The following FGF12 variants were observed in gnomAD, a reference collection of about 807,000 sequenced individuals.
FGF12 encodes fibroblast growth factor 12.
In FGF12, 14 loss-of-function variants were observed where a neutral mutation model predicts 23.6. The observed-to-expected ratio is 0.59, with a 90% CI of 0.39 to 0.93. The LOEUF is 0.93. Ranked by LOEUF, FGF12 falls within the 40% of genes least tolerant of loss-of-function variation. The probability of loss-of-function intolerance (pLI) is 0.00; values close to 1 mark genes in which losing one functional copy is unlikely to be tolerated. For synonymous variants in FGF12, 62 were observed against 77.3 expected, an observed-to-expected ratio of 0.80 and a Z score of 1.04; for missense variants, 175 against 217.8, an observed-to-expected ratio of 0.80 and a Z score of 1.24.
intron 2 of FGF12, among the ~76,000 whole-genome samples, chr3:192,664,594 C>CAAAAAAACAAAAAAA (rs1716788068): frequency 1.0e-5 from 1 of 97,078 alleles, no homozygotes; most frequent in Non-Finnish European, 2.0e-5. Flanking sequence ...ACTAAAAATA[C>CAAAAAAACAAAAAAA]AAAAAAAATA....
chr3:192,161,978 T>C (rs1190716568), intron 5 of FGF12, among the ~76,000 whole-genome samples: 1 of 152,136 alleles, frequency 6.6e-6, no homozygotes, highest in East Asian at 1.9e-4. Flanking sequence ...TAACTTCTGT[T>C]TTTAATAAAA....
rs1482181682 is a variant in FGF12, at chr3:192,360,932, C to T, written c.14-394G>A. ...TTTCTAAGTTTCTAGTAGCCATAAC[C>T]AGGTCCATAAGACTTCTATCTCTGC... On this transcript the variant is annotated intron_variant, in intron 2 of 5. Coordinates refer to ENST00000445105, the MANE Select transcript of FGF12 (RefSeq NM_004113.6). The surrounding 1 kb of genome is among the most constrained non-coding windows in gnomAD (Gnocchi z 4.3). Among the ~76,000 whole-genome samples the T allele has an allele frequency of 6.6e-6, 1 of 151,962 alleles. No homozygotes were observed. Among genetic ancestry groups the T allele is most frequent in the Non-Finnish European group, 1.5e-5 (1 of 67,988 alleles).
intron 4 of FGF12, among the ~76,000 whole-genome samples, chr3:192,284,167 A>G (rs998282179): frequency 5.9e-5 from 9 of 151,994 alleles, no homozygotes; most frequent in African/African-American, 2.2e-4. Context: ...CCTATTTTCT[A>G]CTAGTTAGAA....
intron 5 of FGF12, among the ~76,000 whole-genome samples, chr3:192,146,362 C>T (rs1396104447): frequency 6.6e-6 from 1 of 151,548 alleles, no homozygotes; most frequent in Non-Finnish European, 1.5e-5. Flanking sequence ...ACTCCGCCTC[C>T]CGGGTTCATG....
intron 5 of FGF12, among the ~76,000 whole-genome samples, chr3:192,159,665 G>A (rs1577187300): frequency 6.6e-6 from 1 of 152,174 alleles, no homozygotes; most frequent in Admixed American, 6.5e-5. Flanking sequence ...AGTAGTCATA[G>A]AACCTAGGGC....
chr3:192,430,943 G>A (rs1469187156), intron 2 of FGF12, among the ~76,000 whole-genome samples: 1 of 152,194 alleles, frequency 6.6e-6, no homozygotes, highest in East Asian at 1.9e-4. Flanking sequence ...AATATCAACA[G>A]TTTTTAAATT....
At chr3:192,583,936 G>A (rs370282211) in intron 2 of FGF12, among the ~76,000 whole-genome samples, 1 of 152,062 alleles carries the variant, frequency 6.6e-6, no homozygotes, top group South Asian at 2.1e-4. Flanking sequence ...TGAAGAATAG[G>A]GTTCTGCTGA....
chr3:192,580,304 G>A (rs1237338251), intron 2 of FGF12, among the ~76,000 whole-genome samples: 3 of 150,186 alleles, frequency 2.0e-5, no homozygotes, highest in Non-Finnish European at 4.4e-5. Flanking sequence ...AATTTATCAT[G>A]GAGTCAACAT....
intron 2 of FGF12, among the ~76,000 whole-genome samples, chr3:192,552,541 A>AT (rs1711575465): frequency 6.6e-6 from 1 of 151,940 alleles, no homozygotes. Context: ...GTATCAAAAA[A>AT]AACCCTCATA....
At chr3:192,266,649 C>T (rs926568887) in intron 4 of FGF12, among the ~76,000 whole-genome samples, 7 of 152,030 alleles carry the variant, frequency 4.6e-5, no homozygotes, top group Non-Finnish European at 1.0e-4. Flanking sequence ...AAAATGGTAG[C>T]TCATAAAATG....
chr3:192,561,262 G>A (rs374371133), intron 2 of FGF12, among the ~76,000 whole-genome samples: 8 of 152,044 alleles, frequency 5.3e-5, no homozygotes, highest in East Asian at 3.9e-4. Context: ...GAACAGGCAC[G>A]TCAGAACAGA....
chr3:192,553,936 C>G (rs1388061946), intron 2 of FGF12, among the ~76,000 whole-genome samples: 1 of 152,192 alleles, frequency 6.6e-6, no homozygotes, highest in African/African-American at 2.4e-5. Context: ...AAATTCTATA[C>G]CCTTCCCCTC....
intron 4 of FGF12, among the ~76,000 whole-genome samples, chr3:192,243,137 T>C (rs1365848428): frequency 6.6e-6 from 1 of 152,050 alleles, no homozygotes; most frequent in Non-Finnish European, 1.5e-5. Flanking sequence ...ACAGGCAGAT[T>C]CAACTTCATA....
chr3:192,583,457 T>G (rs968437947), intron 2 of FGF12, among the ~76,000 whole-genome samples: 1 of 152,188 alleles, frequency 6.6e-6, no homozygotes, highest in African/African-American at 2.4e-5. Flanking sequence ...TTGATTTGCT[T>G]TAGTGGTACT....
chr3:192,206,575 A>C (rs1157350592), intron 4 of FGF12, among the ~76,000 whole-genome samples: 1 of 152,214 alleles, frequency 6.6e-6, no homozygotes, highest in African/African-American at 2.4e-5. Flanking sequence ...AGTCCAGTTT[A>C]ACAGCACTCA....
chr3:192,360,303 T>A lies in FGF12; in HGVS notation c.124+125A>T, dbSNP rs1352474817. ...AAGGATAAAGGAAAAGACACTAGCTTACTAATAGTTAAATAGTTTGAAAGG... is the reference window on the plus strand; with the variant it reads ...AAGGATAAAGGAAAAGACACTAGCTAACTAATAGTTAAATAGTTTGAAAGG... On this transcript the variant is annotated intron_variant, in intron 3 of 5. Coordinates refer to ENST00000445105, the MANE Select transcript of FGF12 (RefSeq NM_004113.6). The surrounding 1 kb of genome is among the most constrained non-coding windows in gnomAD (Gnocchi z 4.3). 1 of 664,958 alleles carries A rather than the reference T, an allele frequency of 1.5e-6. No individual in the cohort carries two copies. Among genetic ancestry groups the A allele is most frequent in the African/African-American group, 1.8e-5 (1 of 55,342 alleles). 41.2% of individuals were successfully genotyped at this position (664,958 alleles called of 1,614,324 possible).
intron 2 of FGF12, among the ~76,000 whole-genome samples, chr3:192,384,761 G>A (rs573291581): frequency 5.1e-4 from 78 of 152,256 alleles, no homozygotes; most frequent in Non-Finnish European, 8.2e-4. Context: ...GGCTCCGGGG[G>A]TGACATTCAC....
intron 4 of FGF12, among the ~76,000 whole-genome samples, chr3:192,247,596 C>T (rs6770675): frequency 0.011 from 1,742 of 152,188 alleles, 25 homozygotes; most frequent in African/African-American, 0.029. Flanking sequence ...CCACACCTAG[C>T]GATCACTGGC....
At position 192,537,950 on chromosome 3, in the gene FGF12, C is replaced by CTTTTTTT. The variant is rs370317111; in HGVS notation, c.14-177419_14-177413dup. Among the ~76,000 whole-genome samples the CTTTTTTT allele has an allele frequency of 3.8e-3, 467 of 121,378 alleles. 21 individuals carry two copies. Among genetic ancestry groups the CTTTTTTT allele is most frequent in the African/African-American group, 0.013 (450 of 33,714 alleles). 79.6% of individuals were successfully genotyped at this position (121,378 alleles called of 152,430 possible). A position where few individuals can be genotyped will look rare whatever the true frequency, so the allele number is the denominator to read the frequency against. On this transcript the variant is annotated intron_variant, in intron 2 of 5. Coordinates refer to ENST00000445105, the MANE Select transcript of FGF12 (RefSeq NM_004113.6). ...AAGGTCTTAGATTTAAGCCTTTAAC[C>CTTTTTTT]TTTTTTTTTTTTTGAGATGGAGTTT...
Sources: allele counts gnomAD v4.1 joint callset (sites outside exome capture counted in the v4.1 genomes callset), GRCh38; gene constraint gnomAD v4.1.1; non-coding constraint Gnocchi (gnomAD v3.1); transcripts MANE v1.5; gene names NCBI Gene and HGNC (gene_info 2026-07-23, HGNC 2026-07-21).